The following CREBBP variants were observed in gnomAD, a reference collection of about 807,000 sequenced individuals.
CREBBP encodes the protein CREB-binding protein.
In CREBBP, 19 loss-of-function variants were observed where a neutral mutation model predicts 265.0. The ratio of observed to expected loss-of-function variants is 0.07; its 90% confidence interval spans 0.05 to 0.11. The LOEUF (loss-of-function observed/expected upper bound fraction) is 0.11. Among genes scored for constraint, CREBBP ranks in the 10% least tolerant of loss-of-function variants. The probability of loss-of-function intolerance (pLI) is 1.00; values close to 1 mark genes in which losing one functional copy is unlikely to be tolerated. For synonymous variants in CREBBP, 1,457 were observed against 1,223.7 expected, an observed-to-expected ratio of 1.19 and a Z score of -3.98; for missense variants, 2,525 against 3,219.0, an observed-to-expected ratio of 0.78 and a Z score of 5.22.
In CREBBP at chr16:3,728,044, T is replaced by A. The variant is rs2151299909; in HGVS notation, c.7003A>T (p.Ile2335Phe). The change falls in exon 31 of 31, where the codon ATC becomes TTC. Residue 2335 changes from isoleucine to phenylalanine, a missense_variant. Physicochemically the swap from Ile to Phe is conservative, Grantham distance 21. Around this residue, in one of 19 missense-constraint regions of CREBBP, gnomAD observed 473 missense variants for 459.3 expected, o/e 1.03. Transcript: ENST00000262367. The surrounding 1 kb of genome is among the most constrained non-coding windows in gnomAD (Gnocchi z 8.7). Reference protein sequence around the residue: ...PQASHLPGQQIATSLSNQVRS... With the variant: ...PQASHLPGQQFATSLSNQVRS... ...ACCTGGTTACTAAGGGACGTGGCGA[T>A]CTGCTGGCCAGGGAGATGCGAGGCC... The A allele has an allele frequency of 6.2e-7, 1 of 1,612,540 alleles. No individual in the cohort carries two copies. The highest frequency in any genetic ancestry group is 8.5e-7 in the Non-Finnish European group (1 of 1,178,702).
At chr16:3,791,373 G>C (rs2053503672) in intron 5 of CREBBP, 2 of 158,862 alleles carry the variant, frequency 1.3e-5, no homozygotes, top group Admixed American at 1.2e-4. Context: ...AAACGACTGG[G>C]GTGATCAGGA....
chr16:3,755,034 C>T (rs1018765791), intron 19 of CREBBP, among the ~76,000 whole-genome samples: 2 of 152,194 alleles, frequency 1.3e-5, no homozygotes, highest in Non-Finnish European at 2.9e-5. Flanking sequence ...GTCTGAGGAA[C>T]GCTACGCCTA....
intron 2 of CREBBP, among the ~76,000 whole-genome samples, chr16:3,827,618 C>T (rs530444648): frequency 6.6e-6 from 1 of 152,176 alleles, no homozygotes; most frequent in South Asian, 2.1e-4. Flanking sequence ...GTCTCGATCT[C>T]CTGACCTCGT....
intron 1 of CREBBP, among the ~76,000 whole-genome samples, chr16:3,865,917 G>A (rs2055170068): frequency 6.6e-6 from 1 of 152,174 alleles, no homozygotes; most frequent in African/African-American, 2.4e-5. Flanking sequence ...TTACAGGCGT[G>A]AGCCCACCGC....
chr16:3,773,561 A>G, intron 13 of CREBBP, 190 bp downstream of exon 13: 1 of 642,042 alleles, frequency 1.6e-6, no homozygotes, highest in Non-Finnish European at 2.7e-6. Flanking sequence ...CCCAGAAAGG[A>G]TAAGAGAAAT....
chr16:3,777,622 C>G lies in CREBBP; in HGVS notation c.2149G>C (p.Val717Leu). Reference protein sequence around the residue: ...PLSLPVNRMQVSQGMNSFNPM... With the variant: ...PLSLPVNRMQLSQGMNSFNPM... ...ACAAACAGTTCAATACCTTGAGAAA[C>G]TTGCATGCGATTCACTGGCAGGGAC... The change falls in exon 11 of 31, where the codon GTT (valine) becomes CTT (leucine). Residue 717 changes from valine (V) to leucine (L), a missense_variant. Transcript: ENST00000262367. 1 of 1,614,132 alleles carries G rather than the reference C, an allele frequency of 6.2e-7. No individual in the cohort carries two copies. The highest frequency in any genetic ancestry group is 8.5e-7 in the Non-Finnish European group (1 of 1,180,030).
chr16:3,849,878 G>A (rs867678521), intron 2 of CREBBP, among the ~76,000 whole-genome samples: 1 of 152,148 alleles, frequency 6.6e-6, no homozygotes, highest in Middle Eastern at 3.4e-3. Flanking sequence ...TGTTAACATA[G>A]CAGGGAGTGA....
chr16:3,778,465 T>C (rs1031892443), intron 9 of CREBBP, among the ~76,000 whole-genome samples: 2 of 152,154 alleles, frequency 1.3e-5, no homozygotes, highest in Non-Finnish European at 2.9e-5. Flanking sequence ...CTATGAAAAA[T>C]ATATCCCATG....
At chr16:3,737,117 C>T (rs2052081097) in intron 26 of CREBBP, 2 of 490,622 alleles carry the variant, frequency 4.1e-6, no homozygotes, top group Non-Finnish European at 7.5e-6. Context: ...CTCATCAAGG[C>T]AATGCCATCC....
chr16:3,788,525 G>A (rs1246772761), intron 5 of CREBBP, among the ~76,000 whole-genome samples: 4 of 152,312 alleles, frequency 2.6e-5, no homozygotes, highest in South Asian at 4.1e-4. Flanking sequence ...TTTACTGGAG[G>A]TCAGATGCCA....
intron 2 of CREBBP, among the ~76,000 whole-genome samples, chr16:3,844,551 A>T (rs368083208): frequency 6.6e-6 from 1 of 152,232 alleles, no homozygotes; most frequent in South Asian, 2.1e-4. Flanking sequence ...CAAAGCTCAC[A>T]TTATTCTTAA....
At position 3,850,478 on chromosome 16, in the gene CREBBP, G is replaced by A. The variant is rs759312345; in HGVS notation, c.617C>T (p.Ala206Val). The A allele has an allele frequency of 8.1e-6, 13 of 1,614,080 alleles. No individual in the cohort carries two copies. The highest frequency in any genetic ancestry group is 1.1e-5 in the South Asian group (1 of 91,082). Residue 206 changes from alanine (A) to valine (V), a missense_variant, in exon 2 of 31, where the codon GCG becomes GTG. Coordinates refer to ENST00000262367, the MANE Select transcript of CREBBP (RefSeq NM_004380.3). ...SLINQASQGQ[A>V]QVMNGSLGAA... is the part of the protein sequence containing the mutation. Reference sequence around the variant, plus strand: ...CCCAAGAGATCCATTCATGACTTGCGCCTGCCCTTGTGAAGCCTGATTAAT... The same window carrying A: ...CCCAAGAGATCCATTCATGACTTGCACCTGCCCTTGTGAAGCCTGATTAAT...
At chr16:3,736,856 GAAATCGGC>G in intron 26 of CREBBP, 41 bp from the exon 27 acceptor site, 13 of 1,612,662 alleles carry the variant, frequency 8.1e-6, no homozygotes, top group Non-Finnish European at 1.1e-5. Flanking sequence ...ACGTGCCAGT[GAAATCGGC>G]CCTGCCTTTA....
At chr16:3,849,439 GTGTGT>G (rs1567360421) in intron 2 of CREBBP, among the ~76,000 whole-genome samples, 322 of 17,222 alleles carry the variant, frequency 0.019, 25 homozygotes, top group South Asian at 0.045. Flanking sequence ...GTGTGTGTGT[GTGTGT>G]GTGTGTGTGT....
chr16:3,805,282 C>T (rs1412668215), intron 3 of CREBBP, among the ~76,000 whole-genome samples: 2 of 152,264 alleles, frequency 1.3e-5, no homozygotes, highest in Non-Finnish European at 1.5e-5. Context: ...CCACGTTTTC[C>T]AGTTCAATTA....
chr16:3,864,624 G>C (rs1359389434), intron 1 of CREBBP, among the ~76,000 whole-genome samples: 3 of 152,050 alleles, frequency 2.0e-5, no homozygotes, highest in Non-Finnish European at 4.4e-5. Context: ...CTCCATCCTG[G>C]GTGACAGAGT....
Position 3,781,354 on chromosome 16 carries a change from A to G in CREBBP, c.1574-48T>C, listed in dbSNP as rs560762891. 2.0e-6 allele frequency: 3 copies of G among 1,469,890 alleles called. No homozygotes were observed. In the South Asian group the frequency reaches 3.5e-5, roughly 17 times the overall value. The allele number at this position is 1,469,890 out of a possible 1,614,324, so 91.1% of individuals were successfully genotyped here. ...AATCAACAGTTAAATTTTAATATAT[A>G]CTTCAAAGTTTTGATGACAGATAAC... On this transcript the variant is annotated intron_variant, in intron 6 of 30. Transcript: ENST00000262367.
intron 16 of CREBBP, among the ~76,000 whole-genome samples, chr16:3,767,034 A>T (rs897319676): frequency 7.2e-5 from 11 of 152,050 alleles, no homozygotes; most frequent in African/African-American, 2.7e-4. Flanking sequence ...GCAGCCTTGG[A>T]CTTTCTGAGT....
chr16:3,789,214 A>T (rs1281120223), intron 5 of CREBBP, among the ~76,000 whole-genome samples: 1 of 152,182 alleles, frequency 6.6e-6, no homozygotes, highest in African/African-American at 2.4e-5. Context: ...CCACAGAGCG[A>T]GCACAGGTGG....
Sources: gnomAD v4.1 joint callset for allele counts (sites outside exome capture counted in the v4.1 genomes callset) on GRCh38, gnomAD v4.1.1 for gene constraint, gnomAD v4.1.1 regional missense constraint, Gnocchi (gnomAD v3.1) non-coding constraint, MANE v1.5 for transcripts, NCBI Gene and HGNC (gene_info 2026-07-23, HGNC 2026-07-21) for gene names.